NCAM2: variants seen among roughly 807,000 people sequenced by gnomAD.
NCAM2 encodes the protein neural cell adhesion molecule 2.
A neutral mutation model predicts 98.1 loss-of-function variants in NCAM2; 30 were observed. That is an observed-to-expected ratio of 0.31 (90% CI 0.23 to 0.41). NCAM2 has a LOEUF of 0.41. Ranked by LOEUF, NCAM2 falls within the 10% of genes least tolerant of loss-of-function variation. The probability of loss-of-function intolerance (pLI) is 1.00; values close to 1 mark genes in which losing one functional copy is unlikely to be tolerated. For missense variants in NCAM2, 867 were observed against 1,005.8 expected, an observed-to-expected ratio of 0.86 and a Z score of 1.87; for synonymous variants, 368 against 342.4, an observed-to-expected ratio of 1.07 and a Z score of -0.83.
chr21:21,505,385 G>T (rs942974634), intron 15 of NCAM2, among the ~76,000 whole-genome samples: 3 of 151,966 alleles, frequency 2.0e-5, no homozygotes, highest in African/African-American at 7.2e-5. Context: ...AATCATGCTG[G>T]TACCTTGACC....
At chr21:21,346,244 G>A (rs2075185485) in intron 8 of NCAM2, among the ~76,000 whole-genome samples, 1 of 145,036 alleles carries the variant, frequency 6.9e-6, no homozygotes, top group Non-Finnish European at 1.5e-5. Flanking sequence ...CTATACTTAT[G>A]TCAAACAAAA....
At chr21:21,069,123 A>T (rs185611447) in intron 1 of NCAM2, among the ~76,000 whole-genome samples, 1 of 152,212 alleles carries the variant, frequency 6.6e-6, no homozygotes, top group Non-Finnish European at 1.5e-5. Context: ...TCAGAAACTC[A>T]TGGAAACTCT....
chr21:21,345,472 A>G (rs575564544), intron 8 of NCAM2, among the ~76,000 whole-genome samples: 100 of 152,242 alleles, frequency 6.6e-4, no homozygotes, highest in Middle Eastern at 3.4e-3. Flanking sequence ...GAGCTGAAAA[A>G]TGCAGCAGGC....
chr21:21,200,390 G>T (rs964961603), intron 1 of NCAM2, among the ~76,000 whole-genome samples: 3 of 130,098 alleles, frequency 2.3e-5, no homozygotes, highest in Non-Finnish European at 4.8e-5. Flanking sequence ...AGAATTCCAA[G>T]TAAGACAACC....
intron 1 of NCAM2, among the ~76,000 whole-genome samples, chr21:21,119,714 G>T (rs1182645299): frequency 1.3e-5 from 2 of 151,732 alleles, no homozygotes; most frequent in Non-Finnish European, 2.9e-5. Context: ...ATATTATCTA[G>T]GAACAAAAGA....
chr21:21,501,671 G>T, intron 15 of NCAM2, among the ~76,000 whole-genome samples: 1 of 143,506 alleles, frequency 7.0e-6, no homozygotes, highest in Non-Finnish European at 1.5e-5. Flanking sequence ...CCAGATGTTT[G>T]ACTTCTTAAG....
At chr21:21,192,336 C>A (rs537559425) in intron 1 of NCAM2, among the ~76,000 whole-genome samples, 1 of 151,982 alleles carries the variant, frequency 6.6e-6, no homozygotes, top group Non-Finnish European at 1.5e-5. Context: ...TGACTGTGCT[C>A]TAAAGCAAAG....
chr21:21,151,249 G>A (rs763637374), intron 1 of NCAM2, among the ~76,000 whole-genome samples: 12 of 151,900 alleles, frequency 7.9e-5, no homozygotes, highest in Non-Finnish European at 1.2e-4. Context: ...AGAATATTAA[G>A]TATCTTAGAT....
intron 1 of NCAM2, among the ~76,000 whole-genome samples, chr21:21,251,255 T>C (rs747060994): frequency 4.6e-5 from 7 of 152,164 alleles, no homozygotes; most frequent in Non-Finnish European, 8.8e-5. Context: ...GCTGCACCCA[T>C]CAACTCATCA....
At chr21:21,199,638 G>T (rs945669542) in intron 1 of NCAM2, among the ~76,000 whole-genome samples, 2 of 152,138 alleles carry the variant, frequency 1.3e-5, no homozygotes, top group African/African-American at 4.8e-5. Flanking sequence ...TTTACTTCAT[G>T]ACCTCAGTAA....
chr21:21,352,525 A>G (rs2075369720), intron 8 of NCAM2, among the ~76,000 whole-genome samples: 1 of 151,988 alleles, frequency 6.6e-6, no homozygotes, highest in Non-Finnish European at 1.5e-5. Context: ...GAAGTCATGG[A>G]AAGTGTCACA....
intron 15 of NCAM2, among the ~76,000 whole-genome samples, chr21:21,479,869 C>T (rs903397285): frequency 6.6e-6 from 1 of 151,940 alleles, no homozygotes; most frequent in African/African-American, 2.4e-5. Flanking sequence ...TAACTGTTTC[C>T]TCATCTCTAA....
chr21:21,043,754 C>T lies in NCAM2; in HGVS notation c.55+45136C>T, dbSNP rs561190341. Among the ~76,000 whole-genome samples the T allele has an allele frequency of 1.3e-4, 19 of 148,088 alleles. No homozygotes were observed. The South Asian group carries it at 3.0e-3, about 23-fold the overall frequency. On this transcript the variant is annotated intron_variant, in intron 1 of 17. Transcript: ENST00000400546. ...CCTGTAGTCCCAGCTACTCGGTAGGCGTGACAGGAGAGTGGCGTGAACCCG... is the reference window on the plus strand; with the variant it reads ...CCTGTAGTCCCAGCTACTCGGTAGGTGTGACAGGAGAGTGGCGTGAACCCG...
chr21:21,238,884 A>G (rs1229280966), intron 1 of NCAM2, among the ~76,000 whole-genome samples: 2 of 152,188 alleles, frequency 1.3e-5, no homozygotes, highest in East Asian at 1.9e-4. Context: ...TGAAGGCTTC[A>G]ATCACATGGC....
intron 9 of NCAM2, among the ~76,000 whole-genome samples, chr21:21,389,241 A>G (rs1569009161): frequency 6.6e-6 from 1 of 152,228 alleles, no homozygotes; most frequent in East Asian, 1.9e-4. Flanking sequence ...GGCAGGCAAG[A>G]GAGTGTGTGC....
At chr21:21,393,187 A>C (rs7278734) in intron 9 of NCAM2, among the ~76,000 whole-genome samples, 34,942 of 152,052 alleles carry the variant, frequency 0.23, 4,238 homozygotes, top group South Asian at 0.28. Flanking sequence ...TCCCAGCACC[A>C]TTTATTGAAT....
At chr21:21,202,733 CT>C (rs2069282799) in intron 1 of NCAM2, among the ~76,000 whole-genome samples, 1 of 151,954 alleles carries the variant, frequency 6.6e-6, no homozygotes, top group African/African-American at 2.4e-5. Flanking sequence ...TGTTTTTATG[CT>C]ATAAAAAGTA....
At chr21:21,324,927 A>G (rs886306161) in intron 6 of NCAM2, among the ~76,000 whole-genome samples, 3 of 152,154 alleles carry the variant, frequency 2.0e-5, no homozygotes, top group Admixed American at 6.6e-5. Context: ...ATGTTGTATT[A>G]TAGAAAAAAC....
At chr21:21,132,538 A>G (rs2146618099) in intron 1 of NCAM2, among the ~76,000 whole-genome samples, 1 of 152,318 alleles carries the variant, frequency 6.6e-6, no homozygotes, top group African/African-American at 2.4e-5. Flanking sequence ...GTATGTGTAC[A>G]TACTGAATGG....
Sources: allele counts gnomAD v4.1 joint callset (sites outside exome capture counted in the v4.1 genomes callset), GRCh38; gene constraint gnomAD v4.1.1; transcripts MANE v1.5; gene names NCBI Gene and HGNC (gene_info 2026-07-23, HGNC 2026-07-21).